MVB12B: variants seen among roughly 807,000 people sequenced by gnomAD.
The protein encoded by MVB12B is ESCRT-I complex subunit MVB12B.
A neutral mutation model predicts 41.6 loss-of-function variants in MVB12B; 16 were observed. The ratio of observed to expected loss-of-function variants is 0.38; its 90% CI spans 0.26 to 0.58. The LOEUF (loss-of-function observed/expected upper bound fraction) is 0.58, where lower values mean the gene tolerates loss of function less well. Among genes scored for constraint, MVB12B ranks in the 20% least tolerant of loss-of-function variants. The probability of loss-of-function intolerance (pLI) is 0.62; values close to 1 mark genes in which losing one functional copy is unlikely to be tolerated. For missense variants in MVB12B, 274 were observed against 380.2 expected, an observed-to-expected ratio of 0.72 and a Z score of 2.32; for synonymous variants, 133 against 139.7, an observed-to-expected ratio of 0.95 and a Z score of 0.34.
chr9:126,410,901 T>TTTTTTG (rs1831628736), intron 6 of MVB12B, among the ~76,000 whole-genome samples: 2 of 150,768 alleles, frequency 1.3e-5, no homozygotes, highest in Non-Finnish European at 1.5e-5. Context: ...TTTTTTTTTT[T>TTTTTTG]TTTTGAGATG....
Position 126,504,833 on chromosome 9 carries a change from G to T in MVB12B, c.*1570G>T, listed in dbSNP as rs934063399. On this transcript the variant is annotated 3_prime_UTR_variant, in exon 10 of 10. Transcript: ENST00000361171. ...CCCCTGGTGGGGGTGGCCTTCTCAGGACTCCTGGGTGGCACAGCAGCAGGA... is the reference window on the plus strand; with the variant it reads ...CCCCTGGTGGGGGTGGCCTTCTCAGTACTCCTGGGTGGCACAGCAGCAGGA... 21 of 152,610 alleles carry T rather than the reference G, an allele frequency of 1.4e-4. No individual in the cohort carries two copies. Among genetic ancestry groups the T allele is most frequent in the Non-Finnish European group, 2.5e-4 (17 of 68,136 alleles). 9.5% of individuals were successfully genotyped at this position (152,610 alleles called of 1,614,324 possible).
intron 7 of MVB12B, among the ~76,000 whole-genome samples, chr9:126,445,315 G>C (rs558009335): frequency 6.6e-6 from 1 of 151,950 alleles, no homozygotes; most frequent in Non-Finnish European, 1.5e-5. Context: ...TTTTTGTTTT[G>C]TTTCTTTTTG....
chr9:126,437,471 A>C (rs1004252265), intron 7 of MVB12B, among the ~76,000 whole-genome samples: 5 of 152,240 alleles, frequency 3.3e-5, no homozygotes, highest in African/African-American at 1.2e-4. Flanking sequence ...TTTCCAATTA[A>C]AGCACGGCTT....
chr9:126,340,376 C>G lies in MVB12B; in HGVS notation c.82-132C>G. Reference sequence around the variant, plus strand: ...GGGAAAGGGTCACATAGGGTCAGGACTCATTCAACCAGTACAGGTATGTGA... The same window carrying G: ...GGGAAAGGGTCACATAGGGTCAGGAGTCATTCAACCAGTACAGGTATGTGA... On this transcript the variant is annotated intron_variant, in intron 1 of 9. Coordinates refer to ENST00000361171, the MANE Select transcript of MVB12B (RefSeq NM_033446.3). The surrounding 1 kb of genome is among the most constrained non-coding windows in gnomAD (Gnocchi z 4.0). 1.1e-6 allele frequency: 1 copy of G among 923,708 alleles called. No individual in the cohort carries two copies. Among genetic ancestry groups the G allele is most frequent in the Non-Finnish European group, 1.7e-6 (1 of 606,020 alleles). The allele number at this position is 923,708 out of a possible 1,614,324, so 57.2% of individuals were successfully genotyped here. A position where few individuals can be genotyped will look rare whatever the true frequency, so the allele number is the denominator to read the frequency against.
chr9:126,477,148 G>A (rs185318639), intron 7 of MVB12B, among the ~76,000 whole-genome samples: 226 of 152,198 alleles, frequency 1.5e-3, no homozygotes, highest in African/African-American at 3.8e-3. Flanking sequence ...GGGAACAGGC[G>A]TATCACATGG....
chr9:126,489,883 C>T (rs944743824), intron 9 of MVB12B, among the ~76,000 whole-genome samples: 1 of 152,194 alleles, frequency 6.6e-6, no homozygotes, highest in African/African-American at 2.4e-5. Flanking sequence ...CTCGTGGCCA[C>T]CGTGGGCAGT....
At chr9:126,394,265 C>A (rs1460771416) in intron 5 of MVB12B, among the ~76,000 whole-genome samples, 2 of 152,196 alleles carry the variant, frequency 1.3e-5, no homozygotes, top group Non-Finnish European at 2.9e-5. Flanking sequence ...TAGTAATGAA[C>A]TTTTAAATCT....
chr9:126,359,739 C>T (rs1172923232), intron 2 of MVB12B, among the ~76,000 whole-genome samples: 1 of 152,146 alleles, frequency 6.6e-6, no homozygotes. Context: ...AATGTACTCT[C>T]TTTTATTCCC....
intron 7 of MVB12B, among the ~76,000 whole-genome samples, chr9:126,450,983 CTGTT>C (rs1386523687): frequency 1.3e-5 from 2 of 152,198 alleles, no homozygotes; most frequent in African/African-American, 2.4e-5. Flanking sequence ...GGAAGCGGCA[CTGTT>C]TGGCCTTTCT....
chr9:126,365,160 T>G (rs1176072211), intron 2 of MVB12B, among the ~76,000 whole-genome samples: 2 of 150,276 alleles, frequency 1.3e-5, no homozygotes, highest in Non-Finnish European at 3.0e-5. Context: ...TTCAAGTGAT[T>G]CTCCTGCCTC....
chr9:126,409,116 G>T (rs769888534), intron 6 of MVB12B, among the ~76,000 whole-genome samples: 21 of 113,814 alleles, frequency 1.8e-4, no homozygotes, highest in African/African-American at 2.8e-4. Flanking sequence ...CTTCCATTGT[G>T]GGGGGGGGCT....
chr9:126,423,132 T>A (rs1832073435), intron 7 of MVB12B, among the ~76,000 whole-genome samples: 1 of 152,250 alleles, frequency 6.6e-6, no homozygotes, highest in South Asian at 2.1e-4. Flanking sequence ...TTTCCCCAGA[T>A]GCTTAGTGGC....
Position 126,392,009 on chromosome 9 carries a change from A to G in MVB12B, c.410-57A>G, listed in dbSNP as rs1054117418. The stretch of plus-strand genomic sequence containing the variant: ...CGTGACAGGGGATGTGGTTTTCAGA[A>G]TAGAGATTCTGGTATCTCTGGAAAA... On this transcript the variant is annotated intron_variant, in intron 4 of 9. Coordinates refer to ENST00000361171, the MANE Select transcript of MVB12B (RefSeq NM_033446.3). This position sits in a 1 kb window ranked among gnomAD's most constrained non-coding sequence, Gnocchi z 4.8. 1.3e-6 allele frequency: 2 copies of G among 1,596,892 alleles called. No homozygotes were observed. Among genetic ancestry groups the G allele is most frequent in the Non-Finnish European group, 1.7e-6 (2 of 1,165,218 alleles).
chr9:126,419,665 A>G (rs1831942524), intron 6 of MVB12B, among the ~76,000 whole-genome samples: 1 of 152,192 alleles, frequency 6.6e-6, no homozygotes, highest in Non-Finnish European at 1.5e-5. Context: ...TGCTGTGGTC[A>G]GAGACATTGA....
intron 7 of MVB12B, among the ~76,000 whole-genome samples, chr9:126,456,311 G>A (rs777465170): frequency 4.6e-5 from 7 of 152,240 alleles, no homozygotes; most frequent in South Asian, 2.1e-4. Context: ...TTTCGCACAC[G>A]ATTTCTCCCA....
intron 7 of MVB12B, among the ~76,000 whole-genome samples, chr9:126,434,544 A>C (rs1199625947): frequency 6.6e-6 from 1 of 152,206 alleles, no homozygotes; most frequent in East Asian, 1.9e-4. Context: ...TGACACACTT[A>C]GAAGTCCTTA....
Position 126,467,001 on chromosome 9 carries a change from G to A in MVB12B, c.758-14368G>A, listed in dbSNP as rs150577365. ...TGCCACCATGCCCGGCTAATTTTTG[G>A]ATTTTTTTTTTTAGTAGAGACAGGG... On this transcript the variant is annotated intron_variant, in intron 7 of 9. Transcript: ENST00000361171. 8.2e-3 allele frequency among the ~76,000 whole-genome samples: 1,252 copies of A among 151,808 alleles called. 6 individuals carry two copies. The highest frequency in any genetic ancestry group is 0.034 in the Middle Eastern group (10 of 294).
intron 2 of MVB12B, among the ~76,000 whole-genome samples, chr9:126,348,255 C>G (rs1052406910): frequency 2.0e-5 from 3 of 152,160 alleles, no homozygotes; most frequent in Admixed American, 6.5e-5. Flanking sequence ...GGCCTTTGTT[C>G]CCTGTGGCCT....
intron 6 of MVB12B, among the ~76,000 whole-genome samples, chr9:126,409,123 G>GA (rs897579657): frequency 7.0e-5 from 10 of 142,718 alleles, no homozygotes; most frequent in Non-Finnish European, 8.8e-5. Context: ...TGTGGGGGGG[G>GA]GCTCAGTAAT....
Sources: allele counts gnomAD v4.1 joint callset (sites outside exome capture counted in the v4.1 genomes callset), GRCh38; gene constraint gnomAD v4.1.1; non-coding constraint Gnocchi (gnomAD v3.1); transcripts MANE v1.5; gene names NCBI Gene and HGNC (gene_info 2026-07-23, HGNC 2026-07-21).